Variants in PACRG observed in about 807,000 individuals in gnomAD.
PACRG encodes the protein parkin coregulated gene protein.
In PACRG, 29 loss-of-function variants were observed where a neutral mutation model predicts 29.7. The ratio of observed to expected loss-of-function variants is 0.98; its 90% CI spans 0.73 to 1.33. The LOEUF (loss-of-function observed/expected upper bound fraction) is 1.33, where lower values mean the gene tolerates loss of function less well. PACRG is among the 40% of genes most tolerant of loss of function. PACRG has a pLI of 0.00. For synonymous variants in PACRG, 116 were observed against 118.7 expected, an observed-to-expected ratio of 0.98 and a Z score of 0.15; for missense variants, 279 against 316.2, an observed-to-expected ratio of 0.88 and a Z score of 0.89.
At chr6:163,228,288 C>T (rs191421975) in intron 4 of PACRG, among the ~76,000 whole-genome samples, 397 of 149,662 alleles carry the variant, frequency 2.7e-3, no homozygotes, top group Non-Finnish European at 4.5e-3. Context: ...GTCAGAGTCC[C>T]TGAGCCCAGA....
At chr6:162,947,359 A>C (rs1182442710) in intron 2 of PACRG, among the ~76,000 whole-genome samples, 21 of 36,698 alleles carry the variant, frequency 5.7e-4, no homozygotes, top group African/African-American at 2.0e-3. Flanking sequence ...ACATATATAT[A>C]ATGTAATCAT....
At chr6:162,832,296 C>T (rs1052989916) in intron 2 of PACRG, among the ~76,000 whole-genome samples, 4 of 152,096 alleles carry the variant, frequency 2.6e-5, no homozygotes, top group African/African-American at 7.2e-5. Context: ...TGTTTCTTGG[C>T]CACATAAATG....
intron 2 of PACRG, among the ~76,000 whole-genome samples, chr6:162,995,404 G>A (rs1232196538): frequency 7.9e-5 from 12 of 152,064 alleles, no homozygotes; most frequent in Non-Finnish European, 1.3e-4. Context: ...TTCCATGGGC[G>A]TAGGACCCTC....
intron 2 of PACRG, among the ~76,000 whole-genome samples, chr6:163,013,896 T>C (rs1251871189): frequency 1.6e-4 from 25 of 152,024 alleles, no homozygotes; most frequent in Non-Finnish European, 4.4e-5. Flanking sequence ...AAATCTTGGC[T>C]TTTGGTTAAT....
intron 3 of PACRG, among the ~76,000 whole-genome samples, chr6:163,062,659 T>C (rs1248936162): frequency 6.6e-6 from 1 of 152,182 alleles, no homozygotes; most frequent in East Asian, 1.9e-4. Flanking sequence ...GTAAATGGCA[T>C]CTCTAATTTT....
chr6:162,942,938 A>G (rs2128121168), intron 2 of PACRG, among the ~76,000 whole-genome samples: 1 of 152,332 alleles, frequency 6.6e-6, no homozygotes, highest in South Asian at 2.1e-4. Context: ...GGAAACACCT[A>G]AGGCAAAAAA....
chr6:163,225,548 G>T (rs527468400), intron 4 of PACRG, among the ~76,000 whole-genome samples: 6 of 152,198 alleles, frequency 3.9e-5, no homozygotes, highest in South Asian at 2.1e-4. Context: ...GTGTGAGAAT[G>T]AACTAATATA....
chr6:163,070,892 C>A (rs1251428553), intron 3 of PACRG, among the ~76,000 whole-genome samples: 2 of 151,686 alleles, frequency 1.3e-5, no homozygotes, highest in Non-Finnish European at 2.9e-5. Flanking sequence ...CAAAAAAGAG[C>A]AGAAGTTGCT....
At chr6:163,268,253 T>A (rs371801041) in intron 4 of PACRG, among the ~76,000 whole-genome samples, 1 of 151,736 alleles carries the variant, frequency 6.6e-6, no homozygotes, top group Non-Finnish European at 1.5e-5. Context: ...ACAAAAAAAA[T>A]TAGCCGGGCG....
In PACRG at chr6:163,176,468, T is replaced by G. The variant is rs540688817; in HGVS notation, c.613+87060T>G. On this transcript the variant is annotated intron_variant, in intron 4 of 4. Transcript: ENST00000366888. ...CCGTTATGCCCTTGACTCTTTTGCTTTTGATTATCATTTGTTTACTCAAAT... is the reference window on the plus strand; with the variant it reads ...CCGTTATGCCCTTGACTCTTTTGCTGTTGATTATCATTTGTTTACTCAAAT... Among the ~76,000 whole-genome samples the G allele has an allele frequency of 2.7e-4, 41 of 152,292 alleles. No homozygotes were observed. In the South Asian group the frequency reaches 2.9e-3, roughly 11 times the overall value.
chr6:163,136,059 C>A (rs1406658786), intron 4 of PACRG, among the ~76,000 whole-genome samples: 1 of 152,018 alleles, frequency 6.6e-6, no homozygotes, highest in East Asian at 1.9e-4. Context: ...AGTTTTTGTG[C>A]CTATTTATTC....
At chr6:163,112,135 C>T in intron 4 of PACRG, 1 of 666,082 alleles carries the variant, frequency 1.5e-6, no homozygotes, top group Non-Finnish European at 1.9e-6. Context: ...CATCTGCCTC[C>T]CTACCTAGAC....
At chr6:163,034,228 T>A (rs1355185366) in intron 2 of PACRG, among the ~76,000 whole-genome samples, 1 of 152,136 alleles carries the variant, frequency 6.6e-6, no homozygotes, top group Non-Finnish European at 1.5e-5. Flanking sequence ...TCTCATCAGC[T>A]CTCAAGTTTC....
chr6:162,909,043 A>C (rs1274519648), intron 2 of PACRG, among the ~76,000 whole-genome samples: 2 of 151,186 alleles, frequency 1.3e-5, no homozygotes, highest in African/African-American at 2.4e-5. Context: ...AGTATACACG[A>C]CTCCTCTTGA....
At chr6:163,238,134 G>T (rs1169301150) in intron 4 of PACRG, among the ~76,000 whole-genome samples, 1 of 152,116 alleles carries the variant, frequency 6.6e-6, no homozygotes, top group Non-Finnish European at 1.5e-5. Context: ...GTTAATGATG[G>T]TGTGGACTAG....
In PACRG at chr6:163,236,735, G is replaced by A. The variant is rs77803629; in HGVS notation, c.614-78092G>A. 5.9e-3 allele frequency among the ~76,000 whole-genome samples: 897 copies of A among 152,222 alleles called. 10 individuals carry two copies. Among genetic ancestry groups the A allele is most frequent in the African/African-American group, 0.021 (861 of 41,540 alleles). On this transcript the variant is annotated intron_variant, in intron 4 of 4. Transcript: ENST00000366888. ...ATTGAATGGTTGATTGTATTAGTCC[G>A]TTTTCACACTGCTATAAAGAACTAC... is the stretch of plus-strand genomic sequence containing the variant.
intron 2 of PACRG, among the ~76,000 whole-genome samples, chr6:162,984,918 G>C (rs1455188299): frequency 1.3e-5 from 2 of 151,108 alleles, no homozygotes; most frequent in Non-Finnish European, 3.0e-5. Context: ...ATCCTTTGTT[G>C]GATGTATAGA....
intron 2 of PACRG, among the ~76,000 whole-genome samples, chr6:162,932,686 A>G (rs1234021514): frequency 6.6e-6 from 1 of 151,688 alleles, no homozygotes; most frequent in Admixed American, 6.6e-5. Flanking sequence ...GTTTATAATA[A>G]TCTCTAATTA....
chr6:162,731,376 G>C (rs1378227012), intron 1 of PACRG, among the ~76,000 whole-genome samples: 1 of 151,854 alleles, frequency 6.6e-6, no homozygotes, highest in Non-Finnish European at 1.5e-5. Context: ...AATTTTATCT[G>C]TATTGAACAT....
Sources: gnomAD v4.1 joint callset for allele counts (sites outside exome capture counted in the v4.1 genomes callset) on GRCh38, gnomAD v4.1.1 for gene constraint, MANE v1.5 for transcripts, NCBI Gene and HGNC (gene_info 2026-07-23, HGNC 2026-07-21) for gene names.